The following SYT3 variants were observed in gnomAD, a reference collection of about 807,000 sequenced individuals.
SYT3 encodes the protein synaptotagmin-3.
Under a neutral mutation model 50.6 loss-of-function variants are expected in SYT3, and 25 were observed. The observed-to-expected ratio is 0.49, with a 90% CI of 0.36 to 0.69. SYT3 has a LOEUF of 0.69. Among genes scored for constraint, SYT3 ranks in the 30% least tolerant of loss-of-function variants. SYT3 has a pLI of 0.00. For synonymous variants in SYT3, 323 were observed against 353.9 expected (o/e 0.91, Z 0.98); for missense variants, 589 against 793.6 (o/e 0.74, Z 3.10).
chr19:50,655,282 T>C, the SYT3 span, among the ~76,000 whole-genome samples: 1 of 151,884 alleles, frequency 6.6e-6, no homozygotes, highest in Non-Finnish European at 1.5e-5. Context: ...GGTGGGGTGG[T>C]CAAAAAGGGT....
upstream of SYT3, among the ~76,000 whole-genome samples, chr19:50,640,818 G>A (rs1419264635): frequency 6.6e-6 from 1 of 152,182 alleles, no homozygotes; most frequent in Admixed American, 6.5e-5. Context: ...CTGCATGCGG[G>A]CCTCAGGCCA....
chr19:50,654,840 T>C, the SYT3 span, among the ~76,000 whole-genome samples: 3 of 152,168 alleles, frequency 2.0e-5, no homozygotes, highest in East Asian at 5.8e-4. Flanking sequence ...CTATGTTACC[T>C]GCCTCAGCTG....
At chr19:50,627,209 C>G (rs939184390) in intron 6 of SYT3, among the ~76,000 whole-genome samples, 2 of 152,162 alleles carry the variant, frequency 1.3e-5, no homozygotes. Flanking sequence ...TCTGCCCAGG[C>G]TGTCCCTCTG....
chr19:50,656,186 C>T, the SYT3 span: 1 of 1,536,114 alleles, frequency 6.5e-7, no homozygotes, highest in Non-Finnish European at 8.7e-7. Context: ...GGCAGTGAAC[C>T]CTGACCTCAG....
rs758410981 is a variant in SYT3 at position 50,629,300 on chromosome 19, G to T, written c.1275C>A (p.Gly425=). ...DRPLWRDIVE[G]GSEKADLGEL... is the part of the protein sequence containing the mutation. ...AGGGGAGAGGGCCACTGACCGAGCC[G>T]CCCTCCACGATGTCCCTCCAGAGCG... is the stretch of plus-strand genomic sequence containing the variant. Residue 425 remains glycine (G), a synonymous_variant, in exon 6 of 11, where the codon GGC becomes GGA. Transcript: ENST00000600079. The T allele has an allele frequency of 1.2e-6, 2 of 1,600,330 alleles. No individual in the cohort carries two copies.
chr19:50,648,716 T>C, the SYT3 span, among the ~76,000 whole-genome samples: 1 of 111,376 alleles, frequency 9.0e-6, no homozygotes, highest in Non-Finnish European at 1.8e-5. Flanking sequence ...GGAGGCACCA[T>C]GGCAACCAGG....
At position 50,637,552 on chromosome 19, in the gene SYT3, G is replaced by T; in HGVS notation, c.-15-126C>A. 4.0e-6 allele frequency: 3 copies of T among 758,038 alleles called. No individual in the cohort carries two copies. The highest frequency in any genetic ancestry group is 6.2e-6 in the Non-Finnish European group (3 of 481,724). 47.0% of individuals were successfully genotyped at this position (758,038 alleles called of 1,614,324 possible). A position where few individuals can be genotyped will look rare whatever the true frequency, so the allele number is the denominator to read the frequency against. ...AGGAAGGATGGGCAAAGGGGACAGA[G>T]ATTAGGGGCAGATGGATTAGGGATG... On this transcript the variant is annotated intron_variant, in intron 2 of 10. Transcript: ENST00000600079. This position sits in a 1 kb window ranked among gnomAD's most constrained non-coding sequence, Gnocchi z 4.9.
rs1350863028 is a variant in SYT3 at position 50,625,424 on chromosome 19, C to T, written c.1543G>A (p.Gly515Arg). 3.2e-6 allele frequency: 5 copies of T among 1,561,524 alleles called. No homozygotes were observed. The Admixed American group carries it at 9.6e-5, about 30-fold the overall frequency. Reference sequence around the variant, plus strand: ...TAGTCTACCACGGCGATGCTGAGCCCCACGTTCTCCACGCTCTCGGGGGCC... The same window carrying T: ...TAGTCTACCACGGCGATGCTGAGCCTCACGTTCTCCACGCTCTCGGGGGCC... ...DVAPESVENV[G>R]LSIAVVDYDC... The change falls in exon 8 of 11, where the codon GGG (glycine) becomes AGG (arginine). Residue 515 changes from glycine (G) to arginine (R), a missense_variant. Coordinates refer to ENST00000600079, the MANE Select transcript of SYT3 (RefSeq NM_001160329.2). The surrounding 1 kb of genome is among the most constrained non-coding windows in gnomAD (Gnocchi z 7.5).
the SYT3 span, chr19:50,649,403 T>C: frequency 6.5e-7 from 1 of 1,532,072 alleles, no homozygotes; most frequent in Non-Finnish European, 8.7e-7. Context: ...GCAGAGCCTC[T>C]CTTGCCACCT....
In SYT3 at chr19:50,625,756, GCCCCTCCTCCCTC is replaced by G; in HGVS notation, c.1402+128_1402+140del. 2.0e-5 allele frequency: 18 copies of G among 921,914 alleles called. No homozygotes were observed. Among genetic ancestry groups the G allele is most frequent in the South Asian group, 8.2e-5 (5 of 61,024 alleles). The allele number at this position is 921,914 out of a possible 1,614,324, so 57.1% of individuals were successfully genotyped here. A position where few individuals can be genotyped will look rare whatever the true frequency, so the allele number is the denominator to read the frequency against. On this transcript the variant is annotated intron_variant, in intron 7 of 10. Transcript: ENST00000600079. This position sits in a 1 kb window ranked among gnomAD's most constrained non-coding sequence, Gnocchi z 7.5. ...TCCGACCCAGGAGTCCAGGCCCCTG[GCCCCTCCTCCCTC>G]AGACCCAGGAGTCCAGATCCCCAGC...
chr19:50,658,061 G>C, the SYT3 span: 16 of 1,535,946 alleles, frequency 1.0e-5, no homozygotes, highest in Non-Finnish European at 1.4e-5. Context: ...CATGGAGAGC[G>C]GGCGCGTGAG....
chr19:50,631,778 G>C (rs951295439), intron 4 of SYT3, among the ~76,000 whole-genome samples: 1 of 152,010 alleles, frequency 6.6e-6, no homozygotes, highest in Non-Finnish European at 1.5e-5. Context: ...AGCCAGTCTG[G>C]GGGTCGCCTC....
chr19:50,623,707 C>T (rs1307347250), intron 9 of SYT3, among the ~76,000 whole-genome samples: 6 of 147,142 alleles, frequency 4.1e-5, no homozygotes, highest in Admixed American at 2.7e-4. Context: ...GAGGCTGAAG[C>T]AGGAGAATCA....
chr19:50,625,021 A>G lies in SYT3; in HGVS notation c.1707+141T>C, dbSNP rs1983991174. ...TTGGGTAACTGGCTCTAAGCCGCAC[A>G]GCTAAAGTTGGCACAGCAGGGATTG... On this transcript the variant is annotated intron_variant, in intron 9 of 10. Coordinates refer to ENST00000600079, the MANE Select transcript of SYT3 (RefSeq NM_001160329.2). The surrounding 1 kb of genome is among the most constrained non-coding windows in gnomAD (Gnocchi z 7.5). 3.2e-6 allele frequency: 3 copies of G among 923,276 alleles called. No individual in the cohort carries two copies. Among genetic ancestry groups the G allele is most frequent in the Non-Finnish European group, 4.4e-6 (3 of 680,938 alleles). The allele number at this position is 923,276 out of a possible 1,614,324, so 57.2% of individuals were successfully genotyped here.
chr19:50,657,358 G>A, the SYT3 span, among the ~76,000 whole-genome samples: 1 of 152,182 alleles, frequency 6.6e-6, no homozygotes, highest in African/African-American at 2.4e-5. Flanking sequence ...TTCTGGAAGT[G>A]ACATCATTTT....
At chr19:50,644,913 G>T in the SYT3 span, among the ~76,000 whole-genome samples, 1 of 152,112 alleles carries the variant, frequency 6.6e-6, no homozygotes, top group Non-Finnish European at 1.5e-5. Context: ...ATAGAGGATG[G>T]TTGGGTGGAT....
In SYT3 at chr19:50,630,183, TG is replaced by T. The variant is rs1568763702; in HGVS notation, c.675-13del. On this transcript the variant is annotated splice_polypyrimidine_tract_variant and intron_variant, in intron 4 of 10. Coordinates refer to ENST00000600079, the MANE Select transcript of SYT3 (RefSeq NM_001160329.2). ...GCAGGGCTGGGTACCTGTAGGGGGT[TG>T]GGGGGAGACCAAGGTGAGGTCAGTG... is the stretch of plus-strand genomic sequence containing the variant. 29 of 1,323,560 alleles carry T rather than the reference TG, an allele frequency of 2.2e-5. No homozygotes were observed. The highest frequency in any genetic ancestry group is 2.5e-5 in the East Asian group (1 of 40,714). 82.0% of individuals were successfully genotyped at this position (1,323,560 alleles called of 1,614,324 possible). A position where few individuals can be genotyped will look rare whatever the true frequency, so the allele number is the denominator to read the frequency against.
upstream of SYT3, among the ~76,000 whole-genome samples, chr19:50,642,757 C>T (rs2123030405): frequency 6.6e-6 from 1 of 152,178 alleles, no homozygotes; most frequent in Admixed American, 6.5e-5. Context: ...TCACTTGAAC[C>T]CAGGAGGCAG....
the SYT3 span, chr19:50,656,449 G>T: frequency 1.4e-6 from 2 of 1,405,034 alleles, no homozygotes; most frequent in Non-Finnish European, 1.9e-6. Flanking sequence ...CAGGCTTTTG[G>T]CTTATAAGCT....
Sources: allele counts gnomAD v4.1 joint callset (sites outside exome capture counted in the v4.1 genomes callset), GRCh38; gene constraint gnomAD v4.1.1; non-coding constraint Gnocchi (gnomAD v3.1); transcripts MANE v1.5; gene names NCBI Gene and HGNC (gene_info 2026-07-23, HGNC 2026-07-21).